Variants in ATG4C observed in about 807,000 individuals in gnomAD.
The protein encoded by ATG4C is autophagy related 4C cysteine peptidase.
ATG4C carries 56 observed loss-of-function variants against 57.6 expected under a neutral mutation model. The observed-to-expected ratio is 0.97, with a 90% CI of 0.78 to 1.21. ATG4C has a LOEUF of 1.21. Among genes scored for constraint, ATG4C ranks in the 50% most tolerant of loss-of-function variants. ATG4C has a pLI of 0.00. For missense variants in ATG4C, 595 were observed against 529.8 expected (o/e 1.12, Z -1.21); for synonymous variants, 157 against 174.1 (o/e 0.90, Z 0.78).
At chr1:62,843,795 C>T (rs1380999634) in intron 10 of ATG4C, among the ~76,000 whole-genome samples, 3 of 152,140 alleles carry the variant, frequency 2.0e-5, no homozygotes, top group Non-Finnish European at 2.9e-5. Flanking sequence ...AGGTGTAAAA[C>T]TTCCATCCTC....
chr1:62,853,471 G>A (rs1362938590), intron 10 of ATG4C, among the ~76,000 whole-genome samples: 2 of 152,192 alleles, frequency 1.3e-5, no homozygotes, highest in Non-Finnish European at 2.9e-5. Context: ...TTTTGAGACA[G>A]GATCTTGCTA....
At chr1:62,823,418 C>A (rs1665547761) in intron 6 of ATG4C, among the ~76,000 whole-genome samples, 1 of 152,180 alleles carries the variant, frequency 6.6e-6, no homozygotes, top group Non-Finnish European at 1.5e-5. Context: ...TTTAGTCAGT[C>A]AACACTTAAG....
At chr1:62,861,576 A>AACACACACACAC (rs57225222) in intron 10 of ATG4C, among the ~76,000 whole-genome samples, 30 of 133,560 alleles carry the variant, frequency 2.2e-4, no homozygotes, top group East Asian at 4.4e-4. Context: ...TGGAAAATAG[A>AACACACACACAC]ACACACACAC....
chr1:62,825,429 C>T (rs1444889056), intron 6 of ATG4C, among the ~76,000 whole-genome samples: 1 of 152,142 alleles, frequency 6.6e-6, no homozygotes, highest in East Asian at 1.9e-4. Context: ...GGACACTACT[C>T]TGTAGATTTT....
chr1:62,852,240 C>T (rs957058743), intron 10 of ATG4C, among the ~76,000 whole-genome samples: 2 of 152,172 alleles, frequency 1.3e-5, no homozygotes, highest in African/African-American at 4.8e-5. Context: ...AGTGCAGACA[C>T]ACCAGCTCAC....
chr1:62,822,340 C>A (rs1665508510), intron 6 of ATG4C, among the ~76,000 whole-genome samples: 1 of 151,984 alleles, frequency 6.6e-6, no homozygotes, highest in African/African-American at 2.4e-5. Context: ...AAGAAAAGGT[C>A]TAAATTTTCA....
chr1:62,792,878 G>C (rs17316247), intron 1 of ATG4C, among the ~76,000 whole-genome samples: 28,526 of 133,836 alleles, frequency 0.21, 3,556 homozygotes, highest in Non-Finnish European at 0.29. Flanking sequence ...ACAGCTCTCA[G>C]GGTGGTAGTG....
chr1:62,842,846 G>T (rs971644383), intron 10 of ATG4C, among the ~76,000 whole-genome samples: 1 of 152,016 alleles, frequency 6.6e-6, no homozygotes, highest in African/African-American at 2.4e-5. Flanking sequence ...AACATGGAAG[G>T]CCAGGTGAAC....
intron 1 of ATG4C, among the ~76,000 whole-genome samples, chr1:62,803,461 G>T (rs1005545796): frequency 6.6e-6 from 1 of 152,020 alleles, no homozygotes; most frequent in Non-Finnish European, 1.5e-5. Context: ...TTATTGCTTG[G>T]TTTTGCATGA....
intron 1 of ATG4C, among the ~76,000 whole-genome samples, chr1:62,789,122 T>C (rs1664182160): frequency 6.6e-6 from 1 of 152,224 alleles, no homozygotes; most frequent in Non-Finnish European, 1.5e-5. Flanking sequence ...TAGTAGCCAT[T>C]GATAAAAGCA....
At chr1:62,850,030 A>G (rs1356554256) in intron 10 of ATG4C, among the ~76,000 whole-genome samples, 5 of 152,176 alleles carry the variant, frequency 3.3e-5, no homozygotes, top group Non-Finnish European at 5.9e-5. Flanking sequence ...ATTTAGAGAG[A>G]GACATGAGAT....
rs1272723007 is a variant in ATG4C at position 62,803,785 on chromosome 1, A to G, written c.-2A>G. The G allele has an allele frequency of 1.3e-6, 2 of 1,597,908 alleles. No individual in the cohort carries two copies. Among genetic ancestry groups the G allele is most frequent in the South Asian group, 2.3e-5 (2 of 88,702 alleles). ...TGATGGCTTTTCCTTTAGAATTTGA[A>G]TATGGAGGCTACAGGAACAGATGAA... On this transcript the variant is annotated 5_prime_UTR_variant, in exon 2 of 11. Transcript: ENST00000317868.
intron 1 of ATG4C, among the ~76,000 whole-genome samples, chr1:62,801,500 T>C (rs1192794363): frequency 1.3e-5 from 2 of 151,958 alleles, no homozygotes; most frequent in Admixed American, 6.6e-5. Context: ...TGGCAGGGCG[T>C]GGTGGCTCGC....
At chr1:62,793,313 A>C (rs899295694) in intron 1 of ATG4C, among the ~76,000 whole-genome samples, 1 of 152,006 alleles carries the variant, frequency 6.6e-6, no homozygotes, top group African/African-American at 2.4e-5. Context: ...ACTACTGTTA[A>C]TATTAATACT....
intron 10 of ATG4C, among the ~76,000 whole-genome samples, chr1:62,861,616 CACACACACACAG>C (rs747158018): frequency 0.24 from 15,298 of 64,024 alleles, 925 homozygotes; most frequent in Admixed American, 0.38. Context: ...CACACACACA[CACACACACACAG>C]AGAGACACAA....
At chr1:62,784,559 CTCTT>C (rs1197312069) in intron 1 of ATG4C, among the ~76,000 whole-genome samples, 1 of 152,180 alleles carries the variant, frequency 6.6e-6, no homozygotes, top group Admixed American at 6.5e-5. Context: ...GCAGGCAAGA[CTCTT>C]TCCCCTGATC....
At chr1:62,796,032 G>C (rs1460772582) in intron 1 of ATG4C, among the ~76,000 whole-genome samples, 1 of 151,954 alleles carries the variant, frequency 6.6e-6, no homozygotes, top group African/African-American at 2.4e-5. Flanking sequence ...GTGAAACCAG[G>C]CATTTTAACT....
At chr1:62,832,229 T>G (rs1350730501) in intron 7 of ATG4C, among the ~76,000 whole-genome samples, 2 of 152,138 alleles carry the variant, frequency 1.3e-5, no homozygotes, top group Non-Finnish European at 2.9e-5. Context: ...ATTCAGTTTA[T>G]CATTTCAGAA....
At position 62,825,494 on chromosome 1, in the gene ATG4C, C is replaced by G. The variant is rs549203088; in HGVS notation, c.797-3546C>G. On this transcript the variant is annotated intron_variant, in intron 6 of 10. Coordinates refer to ENST00000317868, the MANE Select transcript of ATG4C (RefSeq NM_032852.4). Reference sequence around the variant, plus strand: ...GCCTGGTTTGTTGGTTTTTCCTCATCTCCTTGATCTCTAAAAATGTCATGT... The same window carrying G: ...GCCTGGTTTGTTGGTTTTTCCTCATGTCCTTGATCTCTAAAAATGTCATGT... 5.9e-5 allele frequency among the ~76,000 whole-genome samples: 9 copies of G among 152,262 alleles called. No individual in the cohort carries two copies. The East Asian group carries it at 1.4e-3, about 23-fold the overall frequency.
Sources: allele counts gnomAD v4.1 joint callset (sites outside exome capture counted in the v4.1 genomes callset), GRCh38; gene constraint gnomAD v4.1.1; transcripts MANE v1.5; gene names NCBI Gene and HGNC (gene_info 2026-07-23, HGNC 2026-07-21).